The following THSD7B variants were observed in gnomAD, a reference collection of about 807,000 sequenced individuals.
THSD7B encodes the protein thrombospondin type-1 domain-containing protein 7B.
In THSD7B, 138 loss-of-function variants were observed where a neutral mutation model predicts 213.6. The observed-to-expected ratio is 0.65, with a 90% confidence interval of 0.56 to 0.74. THSD7B has a LOEUF of 0.74. Ranked by LOEUF, THSD7B falls within the 30% of genes least tolerant of loss-of-function variation. The probability of loss-of-function intolerance (pLI) is 0.00; values close to 1 mark genes in which losing one functional copy is unlikely to be tolerated. For synonymous variants in THSD7B, 742 were observed against 687.0 expected, an observed-to-expected ratio of 1.08 and a Z score of -1.25; for missense variants, 1,931 against 1,991.5, an observed-to-expected ratio of 0.97 and a Z score of 0.58.
chr2:137,471,433 G>A (rs552658870), intron 15 of THSD7B, among the ~76,000 whole-genome samples: 79 of 152,164 alleles, frequency 5.2e-4, no homozygotes, highest in African/African-American at 1.8e-3. Flanking sequence ...ATTCAAATTT[G>A]TGATCCTCAA....
At chr2:137,164,992 A>G (rs1000432793) in intron 6 of THSD7B, among the ~76,000 whole-genome samples, 1 of 152,126 alleles carries the variant, frequency 6.6e-6, no homozygotes, top group Non-Finnish European at 1.5e-5. Flanking sequence ...ACAAACCTGC[A>G]AGTTGTGTAC....
chr2:137,330,775 T>C (rs1465150321), intron 12 of THSD7B, among the ~76,000 whole-genome samples: 1 of 152,032 alleles, frequency 6.6e-6, no homozygotes, highest in Non-Finnish European at 1.5e-5. Context: ...GAACAAAGCT[T>C]CCACAGTGTG....
At chr2:137,405,206 A>AAAC (rs1014515140) in intron 12 of THSD7B, among the ~76,000 whole-genome samples, 25 of 151,916 alleles carry the variant, frequency 1.6e-4, no homozygotes, top group South Asian at 4.2e-4. Context: ...AGCAAAAAAA[A>AAAC]AAAAAAAATG....
chr2:137,470,756 A>C (rs1257337286), intron 15 of THSD7B, among the ~76,000 whole-genome samples: 1 of 152,174 alleles, frequency 6.6e-6, no homozygotes, highest in Non-Finnish European at 1.5e-5. Flanking sequence ...CTGCATTAAA[A>C]TTTGGATTCC....
At chr2:137,521,567 C>A (rs527784834) in intron 15 of THSD7B, among the ~76,000 whole-genome samples, 5 of 152,296 alleles carry the variant, frequency 3.3e-5, no homozygotes, top group African/African-American at 1.2e-4. Context: ...GTTCATCTCT[C>A]ACTGGTGGGC....
chr2:136,892,312 T>G (rs2105002952), intron 2 of THSD7B, among the ~76,000 whole-genome samples: 1 of 152,296 alleles, frequency 6.6e-6, no homozygotes, highest in African/African-American at 2.4e-5. Context: ...GACCCATCAC[T>G]TCTGTTTACA....
Position 136,912,368 on chromosome 2 carries a change from G to T in THSD7B, c.139+30051G>T, listed in dbSNP as rs138923199. ...AAAAAAGGAGAGAGGAACTTAAAAGGTTTAACACAGTGGTATGTGTGCGAG... is the reference window on the plus strand; with the variant it reads ...AAAAAAGGAGAGAGGAACTTAAAAGTTTTAACACAGTGGTATGTGTGCGAG... On this transcript the variant is annotated intron_variant, in intron 2 of 27. Transcript: ENST00000409968. Among the ~76,000 whole-genome samples, 223 of 143,822 alleles carry T rather than the reference G, an allele frequency of 1.6e-3. 1 individual carries two copies. The highest frequency in any genetic ancestry group is 5.7e-3 in the African/African-American group (217 of 38,270). The allele number at this position is 143,822 out of a possible 152,430, so 94.4% of individuals were successfully genotyped here.
chr2:136,795,110 G>A (rs1179308427), intron 1 of THSD7B, among the ~76,000 whole-genome samples: 1 of 151,936 alleles, frequency 6.6e-6, no homozygotes, highest in African/African-American at 2.4e-5. Context: ...GCGACAAACT[G>A]TCATAGCTCG....
chr2:137,220,809 T>G (rs1288435338), intron 7 of THSD7B, among the ~76,000 whole-genome samples: 2 of 152,152 alleles, frequency 1.3e-5, no homozygotes, highest in Non-Finnish European at 2.9e-5. Flanking sequence ...AAACAAAACC[T>G]TCTACATCCA....
At chr2:137,176,637 C>A (rs1249567726) in intron 7 of THSD7B, among the ~76,000 whole-genome samples, 1 of 152,160 alleles carries the variant, frequency 6.6e-6, no homozygotes, top group East Asian at 1.9e-4. Flanking sequence ...TGGGTGTCAG[C>A]CTGAAATTCC....
chr2:137,232,160 G>A (rs1405745638), intron 8 of THSD7B, among the ~76,000 whole-genome samples: 5 of 152,136 alleles, frequency 3.3e-5, no homozygotes, highest in African/African-American at 4.8e-5. Flanking sequence ...GTGTAGAAGA[G>A]TAGGCAAAGA....
intron 17 of THSD7B, among the ~76,000 whole-genome samples, chr2:137,593,059 A>G (rs1397006530): frequency 6.6e-6 from 1 of 151,916 alleles, no homozygotes; most frequent in Non-Finnish European, 1.5e-5. Flanking sequence ...GCTCAACATA[A>G]TGCCTTTGAG....
At position 137,450,854 on chromosome 2, in the gene THSD7B, A is replaced by G; in HGVS notation, c.2969A>G (p.Gln990Arg). ...PSFCSSSGYI[Q>R]EKCVIPCPFD... is the part of the protein sequence containing the mutation. ...AATCTTTTTCTGTCAGGTTACATTC[A>G]AGAAAAATGTGTCATTCCCTGCCCA... Residue 990 changes from glutamine (Q) to arginine (R), a missense_variant, in exon 15 of 28, where the codon CAA becomes CGA. Physicochemically the swap from Gln to Arg is conservative, Grantham distance 43 (BLOSUM62 1). Coordinates refer to ENST00000409968, the MANE Select transcript of THSD7B (RefSeq NM_001316349.2). The G allele has an allele frequency of 6.2e-7, 1 of 1,604,020 alleles. No homozygotes were observed. The highest frequency in any genetic ancestry group is 8.5e-7 in the Non-Finnish European group (1 of 1,175,974).
intron 17 of THSD7B, among the ~76,000 whole-genome samples, chr2:137,584,129 G>T (rs1681654404): frequency 6.6e-6 from 1 of 152,030 alleles, no homozygotes; most frequent in African/African-American, 2.4e-5. Flanking sequence ...TCATGATTTG[G>T]CTCACTGTTC....
chr2:136,787,622 A>G (rs1012139448), intron 1 of THSD7B, among the ~76,000 whole-genome samples: 4 of 152,136 alleles, frequency 2.6e-5, no homozygotes, highest in African/African-American at 7.2e-5. Context: ...TGGAATATGA[A>G]GTTTTTCTTG....
intron 15 of THSD7B, among the ~76,000 whole-genome samples, chr2:137,518,372 C>T (rs984506253): frequency 6.6e-6 from 1 of 152,180 alleles, no homozygotes; most frequent in Non-Finnish European, 1.5e-5. Context: ...ATTTCAAGCA[C>T]TGTGCCTGGT....
intron 5 of THSD7B, among the ~76,000 whole-genome samples, chr2:137,129,976 G>A (rs1170844767): frequency 6.6e-6 from 1 of 152,162 alleles, no homozygotes; most frequent in African/African-American, 2.4e-5. Context: ...GACATTTGGT[G>A]TTGGAGGACA....
chr2:136,807,380 A>AT lies in THSD7B; in HGVS notation c.-36+41699dup, dbSNP rs1325869580. On this transcript the variant is annotated intron_variant, in intron 1 of 27. Coordinates refer to ENST00000409968, the MANE Select transcript of THSD7B (RefSeq NM_001316349.2). ...GTTATTATCCAATAGTATGTTATTT[A>AT]TTTTTTGCAGACATTATTCCATCTT... is the stretch of plus-strand genomic sequence containing the variant. 3.3e-5 allele frequency among the ~76,000 whole-genome samples: 5 copies of AT among 151,450 alleles called. No homozygotes were observed. In the South Asian group the frequency reaches 1.0e-3, roughly 32 times the overall value.
At chr2:137,132,330 G>A (rs910840747) in intron 5 of THSD7B, among the ~76,000 whole-genome samples, 2 of 150,382 alleles carry the variant, frequency 1.3e-5, no homozygotes, top group African/African-American at 4.9e-5. Context: ...CTGCAAACAG[G>A]GACAATTTGA....
Sources: allele counts gnomAD v4.1 joint callset (sites outside exome capture counted in the v4.1 genomes callset), GRCh38; gene constraint gnomAD v4.1.1; transcripts MANE v1.5; gene names NCBI Gene and HGNC (gene_info 2026-07-23, HGNC 2026-07-21).